SOX6: variants seen among roughly 807,000 people sequenced by gnomAD.
SOX6 encodes SRY-box transcription factor 6.
A neutral mutation model predicts 97.8 loss-of-function variants in SOX6; 11 were observed. The ratio of observed to expected loss-of-function variants is 0.11; its 90% CI spans 0.07 to 0.19. The LOEUF is 0.19. SOX6 is among the 10% of genes least tolerant of loss of function. SOX6 has a pLI of 1.00. For synonymous variants in SOX6, 360 were observed against 371.4 expected, an observed-to-expected ratio of 0.97 and a Z score of 0.35; for missense variants, 810 against 1,039.5, an observed-to-expected ratio of 0.78 and a Z score of 3.04.
intron 3 of SOX6, among the ~76,000 whole-genome samples, chr11:16,239,811 C>T (rs1446538727): frequency 6.6e-6 from 1 of 151,972 alleles, no homozygotes; most frequent in Non-Finnish European, 1.5e-5. Flanking sequence ...GCTCCACACT[C>T]CCCTCTGGGA....
At chr11:16,055,641 G>T in intron 10 of SOX6, 111 bp downstream of exon 10, 3 of 1,300,822 alleles carry the variant, frequency 2.3e-6, no homozygotes, top group Non-Finnish European at 3.3e-6. Context: ...TTTTGGGGTT[G>T]CTTTATGTTG....
In SOX6 at chr11:16,539,973, G is replaced by T. The variant is rs559595842; in HGVS notation, n.610-63585C>A. On this transcript the variant is annotated intron_variant and non_coding_transcript_variant, in intron 4 of 5. Coordinates refer to the SOX6 transcript ENST00000524520. The stretch of plus-strand genomic sequence containing the variant: ...AATCCTCCCTAACTCATTTTATGAG[G>T]CCAGCATCATCCTGATGCCAAAGCT... 2.6e-5 allele frequency among the ~76,000 whole-genome samples: 4 copies of T among 152,180 alleles called. No individual in the cohort carries two copies. The East Asian group carries it at 5.8e-4, about 22-fold the overall frequency.
chr11:16,002,455 T>C (rs1854433247), intron 13 of SOX6, among the ~76,000 whole-genome samples: 1 of 152,182 alleles, frequency 6.6e-6, no homozygotes. Context: ...GAGTCCTTTA[T>C]CTTATTTCAA....
chr11:16,148,191 T>G (rs184921711), intron 6 of SOX6, among the ~76,000 whole-genome samples: 1 of 148,644 alleles, frequency 6.7e-6, no homozygotes, highest in Non-Finnish European at 1.5e-5. Flanking sequence ...TTAAAGTATA[T>G]TCTGCCAATC....
At chr11:16,080,887 C>A (rs1190661714) in intron 9 of SOX6, among the ~76,000 whole-genome samples, 1 of 151,956 alleles carries the variant, frequency 6.6e-6, no homozygotes, top group Non-Finnish European at 1.5e-5. Context: ...TTAAAAATAG[C>A]CAGGCACAGT....
intron 9 of SOX6, among the ~76,000 whole-genome samples, chr11:16,085,052 T>G (rs1197753813): frequency 3.3e-5 from 5 of 152,210 alleles, no homozygotes; most frequent in Non-Finnish European, 5.9e-5. Flanking sequence ...GGTCTCAGGA[T>G]CTCACTCTCT....
At chr11:16,285,264 G>A (rs1460430895) in intron 3 of SOX6, among the ~76,000 whole-genome samples, 1 of 152,138 alleles carries the variant, frequency 6.6e-6, no homozygotes, top group Non-Finnish European at 1.5e-5. Flanking sequence ...CAGGTGCAGT[G>A]GCTCATGCCT....
At chr11:16,436,178 C>T (rs1040195203) in intron 1 of SOX6, among the ~76,000 whole-genome samples, 2 of 152,184 alleles carry the variant, frequency 1.3e-5, no homozygotes, top group Admixed American at 6.6e-5. Context: ...CATGTTTCTG[C>T]ACATGTATCC....
chr11:16,010,747 AT>A (rs944190585), intron 13 of SOX6, among the ~76,000 whole-genome samples: 2 of 152,016 alleles, frequency 1.3e-5, no homozygotes, highest in Admixed American at 1.3e-4. Flanking sequence ...AGATCTTCTC[AT>A]TAATAAAAAC....
At chr11:16,472,308 T>C (rs927240994) in intron 1 of SOX6, among the ~76,000 whole-genome samples, 2 of 152,010 alleles carry the variant, frequency 1.3e-5, no homozygotes, top group East Asian at 1.9e-4. Context: ...AGAAAGGAGG[T>C]AAAAAAGAGA....
At chr11:16,155,899 T>C (rs1850583931) in intron 6 of SOX6, among the ~76,000 whole-genome samples, 1 of 152,094 alleles carries the variant, frequency 6.6e-6, no homozygotes, top group Non-Finnish European at 1.5e-5. Context: ...TACTCTCATA[T>C]TGCCCTTCCC....
intron 3 of SOX6, among the ~76,000 whole-genome samples, chr11:16,686,258 C>A (rs776986792): frequency 3.3e-5 from 5 of 152,252 alleles, no homozygotes; most frequent in Non-Finnish European, 5.9e-5. Context: ...CCCAAAAAAT[C>A]TTTTTCTTTC....
At chr11:16,251,234 TA>T (rs145246577) in intron 3 of SOX6, among the ~76,000 whole-genome samples, 8,392 of 151,926 alleles carry the variant, frequency 0.055, 296 homozygotes, top group Non-Finnish European at 0.08. Flanking sequence ...GAAAAAGAAA[TA>T]AACGCCCAAA....
chr11:16,441,481 T>C (rs949381568), intron 1 of SOX6, among the ~76,000 whole-genome samples: 1 of 152,144 alleles, frequency 6.6e-6, no homozygotes, highest in African/African-American at 2.4e-5. Context: ...CTCTCCAACA[T>C]TGAAGGCTAG....
In SOX6 at chr11:16,207,034, G is replaced by A. The variant is rs146477189; in HGVS notation, c.536-20079C>T. Among the ~76,000 whole-genome samples the A allele has an allele frequency of 4.0e-3, 610 of 151,954 alleles. 4 individuals are homozygous for A. The highest frequency in any genetic ancestry group is 0.013 in the African/African-American group (545 of 41,440). Reference sequence around the variant, plus strand: ...TTGACATCCAAATTTAGCACACACCGACCCCTACTACAAATGCACATACAC... The same window carrying A: ...TTGACATCCAAATTTAGCACACACCAACCCCTACTACAAATGCACATACAC... On this transcript the variant is annotated intron_variant, in intron 4 of 15. Coordinates refer to ENST00000683767, the MANE Select transcript of SOX6 (RefSeq NM_001367873.1).
intron 6 of SOX6, among the ~76,000 whole-genome samples, chr11:16,125,221 A>G (rs1169034436): frequency 6.6e-6 from 1 of 152,080 alleles, no homozygotes; most frequent in Non-Finnish European, 1.5e-5. Context: ...CTGATACATT[A>G]CTGTGATTCT....
intron 2 of SOX6, among the ~76,000 whole-genome samples, chr11:16,319,742 T>C (rs540775598): frequency 1.3e-5 from 2 of 152,150 alleles, no homozygotes; most frequent in Admixed American, 6.6e-5. Flanking sequence ...CAGTCTATCA[T>C]TGATGGACAT....
At chr11:16,574,866 C>T (rs150088414) in intron 4 of SOX6, among the ~76,000 whole-genome samples, 63 of 151,856 alleles carry the variant, frequency 4.1e-4, no homozygotes, top group African/African-American at 1.4e-3. Context: ...ATGGTGAAAC[C>T]TCATCTCTAC....
intron 1 of SOX6, among the ~76,000 whole-genome samples, chr11:16,341,768 T>G (rs1209953709): frequency 6.6e-6 from 1 of 151,996 alleles, no homozygotes; most frequent in East Asian, 1.9e-4. Flanking sequence ...ATAATCAAAG[T>G]CCTAAACAAA....
Sources: allele counts gnomAD v4.1 joint callset (sites outside exome capture counted in the v4.1 genomes callset), GRCh38; gene constraint gnomAD v4.1.1; transcripts MANE v1.5; gene names NCBI Gene and HGNC (gene_info 2026-07-23, HGNC 2026-07-21).